The following TLL1 variants were observed in gnomAD, a reference collection of about 807,000 sequenced individuals.
The protein encoded by TLL1 is tolloid-like protein 1.
TLL1 carries 49 observed loss-of-function variants against 128.2 expected under a neutral mutation model. That is an observed-to-expected ratio of 0.38 (90% CI 0.30 to 0.48). The LOEUF (loss-of-function observed/expected upper bound fraction) is 0.48. Ranked by LOEUF, TLL1 falls within the 20% of genes least tolerant of loss-of-function variation. The pLI is 0.96. For missense variants in TLL1, 1,123 were observed against 1,242.0 expected, an observed-to-expected ratio of 0.90 and a Z score of 1.44; for synonymous variants, 454 against 418.8, an observed-to-expected ratio of 1.08 and a Z score of -1.03.
In TLL1 at chr4:166,055,242, A is replaced by G; in HGVS notation, c.1691A>G (p.Lys564Arg). The G allele has an allele frequency of 6.2e-7, 1 of 1,613,718 alleles. No homozygotes were observed. The change falls in exon 13 of 21, where the codon AAA becomes AGA. Residue 564 changes from lysine to arginine, a missense_variant. By Grantham distance (26) the Lys-to-Arg change is conservative (BLOSUM62 2). Coordinates refer to ENST00000061240, the MANE Select transcript of TLL1 (RefSeq NM_012464.5). ...TTTGTTTCTGACGGAACTGTGAACA[A>G]AGCAGGGTTTGCTGCTAACTTTTTT... is the stretch of plus-strand genomic sequence containing the variant. Reference protein sequence around the residue: ...MKFVSDGTVNKAGFAANFFKE... With the variant: ...MKFVSDGTVNRAGFAANFFKE...
intron 1 of TLL1, among the ~76,000 whole-genome samples, chr4:165,910,630 T>A (rs1398427697): frequency 6.6e-6 from 1 of 152,220 alleles, no homozygotes; most frequent in East Asian, 1.9e-4. Flanking sequence ...TTTGCACTGA[T>A]GTTTTCATGA....
chr4:166,000,698 A>G (rs910205593), intron 5 of TLL1, among the ~76,000 whole-genome samples: 2 of 152,142 alleles, frequency 1.3e-5, no homozygotes, highest in East Asian at 1.9e-4. Context: ...TAGTTTAAAT[A>G]TCTCCAAAAT....
chr4:165,975,655 C>T (rs1049491453), intron 1 of TLL1, among the ~76,000 whole-genome samples: 7 of 152,020 alleles, frequency 4.6e-5, no homozygotes, highest in Admixed American at 3.3e-4. Flanking sequence ...AAAATGGGAA[C>T]TAAGGGGTTT....
Position 166,014,463 on chromosome 4 carries a change from C to G in TLL1, c.945C>G (p.Pro315=). 1 of 1,612,210 alleles carries G rather than the reference C, an allele frequency of 6.2e-7. No individual in the cohort carries two copies. Among genetic ancestry groups the G allele is most frequent in the African/African-American group, 1.3e-5 (1 of 74,846 alleles). The change falls in exon 8 of 21, where the codon CCC becomes CCG. Residue 315 remains proline, a synonymous_variant. Transcript: ENST00000061240. ...SRGMFLDTIL[P]SRDDNGIRPA... ...GGATGTTTCTGGATACCATTCTCCC[C>G]TCCCGTGATGATAATGGCATACGTC...
intron 12 of TLL1, among the ~76,000 whole-genome samples, chr4:166,044,614 T>C (rs1354971515): frequency 6.6e-6 from 1 of 152,220 alleles, no homozygotes; most frequent in Non-Finnish European, 1.5e-5. Flanking sequence ...CATTATTTGA[T>C]TGACAGTTGA....
intron 1 of TLL1, among the ~76,000 whole-genome samples, chr4:165,984,111 G>A (rs1503294): frequency 0.74 from 113,009 of 151,710 alleles, 42,647 homozygotes; most frequent in African/African-American, 0.86. Flanking sequence ...ATGGACTGCA[G>A]ATACTTCCTT....
chr4:165,935,977 G>A (rs930153221), intron 1 of TLL1, among the ~76,000 whole-genome samples: 3 of 150,560 alleles, frequency 2.0e-5, no homozygotes, highest in Non-Finnish European at 4.4e-5. Context: ...CTTGAGTGGT[G>A]GTGTGTTCTT....
At chr4:165,957,663 A>G (rs1441692618) in intron 1 of TLL1, among the ~76,000 whole-genome samples, 1 of 144,766 alleles carries the variant, frequency 6.9e-6, no homozygotes, top group Non-Finnish European at 1.5e-5. Context: ...TCCCCATCCT[A>G]CTCTTCCACC....
intron 7 of TLL1, among the ~76,000 whole-genome samples, chr4:166,009,592 CA>C (rs1737588581): frequency 6.6e-6 from 1 of 151,372 alleles, no homozygotes; most frequent in Non-Finnish European, 1.5e-5. Flanking sequence ...GTTTCAAAAC[CA>C]TCCTATGCAT....
At chr4:166,053,190 C>G (rs912307305) in intron 12 of TLL1, 3 of 151,696 alleles carry the variant, frequency 2.0e-5, no homozygotes, top group African/African-American at 7.3e-5. Flanking sequence ...CTCTCCCCCA[C>G]CCAATTTCTC....
chr4:166,013,663 T>C (rs1380299235), intron 7 of TLL1, among the ~76,000 whole-genome samples: 2 of 151,812 alleles, frequency 1.3e-5, no homozygotes, highest in African/African-American at 4.8e-5. Context: ...GCTATAAATA[T>C]TTGACATACA....
chr4:165,926,675 C>T (rs865888057), intron 1 of TLL1, among the ~76,000 whole-genome samples: 11 of 152,134 alleles, frequency 7.2e-5, no homozygotes, highest in African/African-American at 2.4e-5. Context: ...TGCCAGGTAT[C>T]GTGTTTATTG....
At chr4:166,008,188 A>G in intron 7 of TLL1, 140 bp downstream of exon 7, 1 of 602,558 alleles carries the variant, frequency 1.7e-6, no homozygotes, top group South Asian at 1.9e-5. Context: ...ATAATTCATG[A>G]ACATTTATAG....
intron 11 of TLL1, 139 bp from the exon 12 acceptor site, chr4:166,043,135 C>A (rs1329467061): frequency 1.9e-6 from 2 of 1,075,582 alleles, no homozygotes; most frequent in Non-Finnish European, 1.4e-6. Flanking sequence ...TACATTACAA[C>A]CAGTCAACTT....
At chr4:166,019,223 T>C (rs1318964315) in intron 8 of TLL1, among the ~76,000 whole-genome samples, 1 of 152,216 alleles carries the variant, frequency 6.6e-6, no homozygotes, top group Non-Finnish European at 1.5e-5. Context: ...AAATACTGCA[T>C]GTTCTCACTT....
chr4:165,881,567 C>T (rs573574433), intron 1 of TLL1, among the ~76,000 whole-genome samples: 12 of 152,196 alleles, frequency 7.9e-5, no homozygotes, highest in South Asian at 2.1e-4. Context: ...TTATAAGCCA[C>T]GTACTGTATT....
chr4:166,046,948 GTTTAA>G (rs949871069), intron 12 of TLL1, among the ~76,000 whole-genome samples: 2 of 151,930 alleles, frequency 1.3e-5, no homozygotes, highest in African/African-American at 4.8e-5. Flanking sequence ...TTAGGTGGTT[GTTTAA>G]TTTAGTCAAT....
At chr4:165,898,593 G>T (rs767966874) in intron 1 of TLL1, among the ~76,000 whole-genome samples, 12 of 152,170 alleles carry the variant, frequency 7.9e-5, no homozygotes, top group Non-Finnish European at 1.3e-4. Flanking sequence ...CTTGATCATG[G>T]TGGATGAGCT....
chr4:165,894,470 C>T (rs1253265627), intron 1 of TLL1, among the ~76,000 whole-genome samples: 1 of 151,972 alleles, frequency 6.6e-6, no homozygotes, highest in Non-Finnish European at 1.5e-5. Flanking sequence ...AGTTCTCTAC[C>T]CAGCAAAAAT....
Sources: allele counts gnomAD v4.1 joint callset (sites outside exome capture counted in the v4.1 genomes callset), GRCh38; gene constraint gnomAD v4.1.1; transcripts MANE v1.5; gene names NCBI Gene and HGNC (gene_info 2026-07-23, HGNC 2026-07-21).